Variants in EHMT1 observed in about 807,000 individuals in gnomAD.
EHMT1 encodes the protein euchromatic histone lysine methyltransferase 1, also known as histone-lysine N-methyltransferase EHMT1.
In EHMT1, 15 loss-of-function variants were observed where a neutral mutation model predicts 147.2. The ratio of observed to expected loss-of-function variants is 0.10; its 90% confidence interval spans 0.07 to 0.16. EHMT1 has a LOEUF of 0.16. EHMT1 is among the 10% of genes least tolerant of loss of function. The probability of loss-of-function intolerance (pLI) is 1.00; values close to 1 mark genes in which losing one functional copy is unlikely to be tolerated. For synonymous variants in EHMT1, 795 were observed against 709.6 expected, an observed-to-expected ratio of 1.12 and a Z score of -1.91; for missense variants, 1,587 against 1,772.4, an observed-to-expected ratio of 0.90 and a Z score of 1.88.
chr9:137,798,993 AC>A, intron 17 of EHMT1, 79 bp downstream of exon 17: 2 of 1,210,300 alleles, frequency 1.7e-6, no homozygotes, highest in Non-Finnish European at 2.4e-6. Flanking sequence ...TCCTGGTCCC[AC>A]CCCCATTCTC....
At chr9:137,805,163 G>A (rs1452289544) in intron 18 of EHMT1, among the ~76,000 whole-genome samples, 1 of 151,514 alleles carries the variant, frequency 6.6e-6, no homozygotes, top group African/African-American at 2.4e-5. Flanking sequence ...TCATCTGCAT[G>A]TGTCATTCGT....
In EHMT1 at chr9:137,819,660, G is replaced by A. The variant is rs1354669434; in HGVS notation, c.3540+1522G>A. Among the ~76,000 whole-genome samples the A allele has an allele frequency of 1.4e-5, 2 of 145,388 alleles. 1 individual carries two copies. The highest frequency in any genetic ancestry group is 6.9e-3 in the Middle Eastern group (2 of 288). The stretch of plus-strand genomic sequence containing the variant: ...AGACTGTAGAGAGGCTGAGGGGGGG[G>A]GCGCCGTGTGCCGAGACTGTAAAGA... On this transcript the variant is annotated intron_variant, in intron 25 of 26. Coordinates refer to ENST00000460843, the MANE Select transcript of EHMT1 (RefSeq NM_024757.5).
intron 1 of EHMT1, among the ~76,000 whole-genome samples, chr9:137,620,331 G>A (rs1460772327): frequency 6.6e-6 from 1 of 152,190 alleles, no homozygotes; most frequent in Non-Finnish European, 1.5e-5. Context: ...CCCACACACT[G>A]TGCAAGACCT....
At chr9:137,650,496 G>C (rs1365360453) in intron 1 of EHMT1, among the ~76,000 whole-genome samples, 3 of 152,070 alleles carry the variant, frequency 2.0e-5, no homozygotes, top group Non-Finnish European at 4.4e-5. Context: ...GATGACTAAT[G>C]ATGTTGAACG....
chr9:137,798,214 G>GT (rs1953124570), intron 16 of EHMT1, among the ~76,000 whole-genome samples: 1 of 152,168 alleles, frequency 6.6e-6, no homozygotes. Flanking sequence ...AGCCTAGGCA[G>GT]TGTAGCAAGA....
At chr9:137,707,903 G>C in intron 1 of EHMT1, among the ~76,000 whole-genome samples, 1 of 152,288 alleles carries the variant, frequency 6.6e-6, no homozygotes. Context: ...AGACCTTGTC[G>C]GCAGAGCTGT....
chr9:137,642,353 G>A (rs1042703633), intron 1 of EHMT1, among the ~76,000 whole-genome samples: 3 of 151,888 alleles, frequency 2.0e-5, no homozygotes, highest in African/African-American at 7.3e-5. Flanking sequence ...GGAGCGCAGT[G>A]AGTATTCATA....
At chr9:137,711,103 CTTA>C in intron 2 of EHMT1, 73 bp downstream of exon 2, 1 of 1,455,638 alleles carries the variant, frequency 6.9e-7, no homozygotes, top group Non-Finnish European at 9.3e-7. Context: ...CTCTTCCTCT[CTTA>C]TTAGTCCCCG....
At chr9:137,772,096 C>T (rs1588627868) in intron 10 of EHMT1, among the ~76,000 whole-genome samples, 1 of 152,024 alleles carries the variant, frequency 6.6e-6, no homozygotes, top group African/African-American at 2.4e-5. Flanking sequence ...ACCTGTGTTC[C>T]GCTTGATAAT....
At chr9:137,704,414 T>C (rs1255761853) in intron 1 of EHMT1, among the ~76,000 whole-genome samples, 2 of 152,164 alleles carry the variant, frequency 1.3e-5, no homozygotes, top group African/African-American at 4.8e-5. Context: ...TGGTTGTAGA[T>C]TGAGGATTTT....
rs61174142 is a variant in EHMT1 at position 137,814,688 on chromosome 9, G to A, written c.3258+180G>A. On this transcript the variant is annotated intron_variant, in intron 22 of 26. Coordinates refer to ENST00000460843, the MANE Select transcript of EHMT1 (RefSeq NM_024757.5). ...GGGCACCAGCACCCGAGTCAGGGTC[G>A]TGAGCCGAGGACATGGCTGCGGATT... is the stretch of plus-strand genomic sequence containing the variant. The A allele has an allele frequency of 0.031, 21,777 of 700,034 alleles. 3,301 individuals carry two copies. In the African/African-American group the frequency reaches 0.34, roughly 11 times the overall value. The allele number at this position is 700,034 out of a possible 1,614,324, so 43.4% of individuals were successfully genotyped here.
chr9:137,678,950 T>C (rs575547343), intron 1 of EHMT1, among the ~76,000 whole-genome samples: 1 of 152,090 alleles, frequency 6.6e-6, no homozygotes, highest in East Asian at 1.9e-4. Flanking sequence ...ATTTATCTTA[T>C]TTTATTTTAT....
intron 25 of EHMT1, among the ~76,000 whole-genome samples, chr9:137,830,705 T>C (rs1956132561): frequency 6.6e-6 from 1 of 152,174 alleles, no homozygotes; most frequent in Non-Finnish European, 1.5e-5. Flanking sequence ...GCACCAGAAA[T>C]GTTGCTTGTG....
intron 3 of EHMT1, among the ~76,000 whole-genome samples, chr9:137,723,525 T>C (rs572284448): frequency 6.8e-6 from 1 of 147,422 alleles, no homozygotes; most frequent in Admixed American, 6.7e-5. Flanking sequence ...GGTGTGTCCG[T>C]GTCTGTGGTT....
chr9:137,671,674 G>A lies in EHMT1; in HGVS notation c.22-39293G>A, dbSNP rs894915684. On this transcript the variant is annotated intron_variant, in intron 1 of 26. Transcript: ENST00000460843. ...CAGGTAGCTTGGACTACAGGCGTGT[G>A]CCACCATGCCCAGCTAATTTTTTGG... Among the ~76,000 whole-genome samples the A allele has an allele frequency of 3.3e-5, 5 of 152,064 alleles. No homozygotes were observed. In the East Asian group the frequency reaches 9.7e-4, roughly 29 times the overall value.
At position 137,732,468 on chromosome 9, in the gene EHMT1, G is replaced by A. The variant is rs1265562180; in HGVS notation, c.823+3939G>A. On this transcript the variant is annotated intron_variant, in intron 4 of 26. Transcript: ENST00000460843. This position sits in a 1 kb window ranked among gnomAD's most constrained non-coding sequence, Gnocchi z 4.6. ...CAGCAGAACAGCTCTCAGCGGAGAG[G>A]AGACCCAAAGTCAGTAGCTCCTACT... Among the ~76,000 whole-genome samples the A allele has an allele frequency of 1.3e-5, 2 of 152,226 alleles. No homozygotes were observed. The highest frequency in any genetic ancestry group is 6.5e-5 in the Admixed American group (1 of 15,280).
At chr9:137,771,963 C>A (rs1950613652) in intron 10 of EHMT1, among the ~76,000 whole-genome samples, 1 of 152,106 alleles carries the variant, frequency 6.6e-6, no homozygotes, top group South Asian at 2.1e-4. Flanking sequence ...ATTCCCACAG[C>A]TGAGGAAAGG....
At chr9:137,641,855 C>T (rs751300782) in intron 1 of EHMT1, among the ~76,000 whole-genome samples, 4 of 151,152 alleles carry the variant, frequency 2.6e-5, no homozygotes, top group Non-Finnish European at 2.9e-5. Flanking sequence ...CATGGAGTCT[C>T]GCTCTGTCAC....
rs112791701 is a variant in EHMT1 at position 137,776,814 on chromosome 9, T to C, written c.1988T>C (p.Leu663Pro). The change falls in exon 12 of 27, where the codon CTG (leucine) becomes CCG (proline). Residue 663 changes from leucine (L) to proline (P), a missense_variant. Leu to Pro is a moderately conservative substitution (Grantham distance 98). This residue lies in a region of EHMT1 where 77 missense variants were observed against 79.3 expected (regional missense o/e 0.97). Coordinates refer to ENST00000460843, the MANE Select transcript of EHMT1 (RefSeq NM_024757.5). This position sits in a 1 kb window ranked among gnomAD's most constrained non-coding sequence, Gnocchi z 4.4. ...CCCGGGCAGGAGAAGGGCTCGGCCC[T>C]GGAGGGCAGGGCCGACACCACAACG... Reference protein sequence around the residue: ...PVPGQEKGSALEGRADTTTGS... With the variant: ...PVPGQEKGSAPEGRADTTTGS... 9 of 1,613,924 alleles carry C rather than the reference T, an allele frequency of 5.6e-6. No homozygotes were observed. The highest frequency in any genetic ancestry group is 1.1e-5 in the South Asian group (1 of 91,080).
Sources: allele counts gnomAD v4.1 joint callset (sites outside exome capture counted in the v4.1 genomes callset), GRCh38; gene constraint gnomAD v4.1.1; regional missense constraint gnomAD v4.1.1; non-coding constraint Gnocchi (gnomAD v3.1); transcripts MANE v1.5; gene names NCBI Gene and HGNC (gene_info 2026-07-23, HGNC 2026-07-21).